Variants in MDFIC observed in about 807,000 individuals in gnomAD.
MDFIC encodes the protein MyoD family inhibitor domain containing, also known as myoD family inhibitor domain-containing protein.
In MDFIC, 17 loss-of-function variants were observed where a neutral mutation model predicts 23.2. The observed-to-expected ratio is 0.73, with a 90% CI of 0.50 to 1.10. The LOEUF is 1.10. Among genes scored for constraint, MDFIC ranks in the 50% least tolerant of loss-of-function variants. The pLI is 0.00. For missense variants in MDFIC, 356 were observed against 316.6 expected (o/e 1.12, Z -0.95); for synonymous variants, 120 against 115.2 (o/e 1.04, Z -0.27).
intron 3 of MDFIC, among the ~76,000 whole-genome samples, chr7:114,944,222 A>G (rs1585096902): frequency 6.6e-6 from 1 of 152,298 alleles, no homozygotes; most frequent in African/African-American, 2.4e-5. Flanking sequence ...TGAAGGAATG[A>G]AGAGATACAG....
At chr7:114,960,429 A>C (rs1255260359) in intron 3 of MDFIC, among the ~76,000 whole-genome samples, 1 of 152,156 alleles carries the variant, frequency 6.6e-6, no homozygotes, top group African/African-American at 2.4e-5. Context: ...ATTATCCAAG[A>C]GTAAGTGGGA....
At chr7:114,995,621 G>A (rs1791307991) in intron 4 of MDFIC, among the ~76,000 whole-genome samples, 1 of 152,212 alleles carries the variant, frequency 6.6e-6, no homozygotes. Flanking sequence ...TCCAGACCCT[G>A]TTTGCCTGGG....
intron 2 of MDFIC, chr7:114,923,644 G>T: frequency 7.0e-7 from 1 of 1,424,542 alleles, no homozygotes; most frequent in Admixed American, 2.9e-5. Context: ...AAATAAACAA[G>T]GTTTATAAGA....
At chr7:114,995,820 C>T (rs945092140) in intron 4 of MDFIC, among the ~76,000 whole-genome samples, 2 of 152,142 alleles carry the variant, frequency 1.3e-5, no homozygotes, top group African/African-American at 2.4e-5. Flanking sequence ...GCAGTCTGTC[C>T]GTTCTCAGAT....
intron 3 of MDFIC, among the ~76,000 whole-genome samples, chr7:114,952,154 A>G (rs1438490092): frequency 6.6e-6 from 1 of 152,174 alleles, no homozygotes; most frequent in African/African-American, 2.4e-5. Flanking sequence ...GGAAAGAAGG[A>G]GTTTTTCTGG....
At chr7:114,942,927 T>C (rs1228982888) in intron 3 of MDFIC, among the ~76,000 whole-genome samples, 2 of 152,234 alleles carry the variant, frequency 1.3e-5, no homozygotes, top group Non-Finnish European at 2.9e-5. Context: ...GTCTTTTGGG[T>C]GCTGATCAGA....
At chr7:114,986,025 C>T (rs1047387414) in intron 4 of MDFIC, among the ~76,000 whole-genome samples, 23 of 131,028 alleles carry the variant, frequency 1.8e-4, no homozygotes, top group Non-Finnish European at 2.9e-4. Flanking sequence ...CCGTGATTAC[C>T]TTTGCAGTTT....
At chr7:114,973,809 C>T (rs1793255208) in intron 3 of MDFIC, among the ~76,000 whole-genome samples, 1 of 152,134 alleles carries the variant, frequency 6.6e-6, no homozygotes, top group African/African-American at 2.4e-5. Context: ...CAATTGCCTC[C>T]TTTGCGAGTT....
At chr7:114,987,299 T>A (rs931557934) in intron 4 of MDFIC, among the ~76,000 whole-genome samples, 2 of 152,270 alleles carry the variant, frequency 1.3e-5, no homozygotes, top group Admixed American at 1.3e-4. Flanking sequence ...AATCTTACAT[T>A]AATTTTTTCC....
At chr7:114,927,096 C>G (rs1792207216) in intron 2 of MDFIC, among the ~76,000 whole-genome samples, 1 of 152,112 alleles carries the variant, frequency 6.6e-6, no homozygotes, top group Admixed American at 6.6e-5. Context: ...ACAACCTTTA[C>G]AAGAAAGAAT....
At chr7:115,011,841 C>A (rs1791688477) in intron 4 of MDFIC, among the ~76,000 whole-genome samples, 1 of 152,216 alleles carries the variant, frequency 6.6e-6, no homozygotes, top group Non-Finnish European at 1.5e-5. Context: ...CAGTCACATC[C>A]AATCTCTCTC....
At chr7:114,968,250 A>G (rs1026009446) in intron 3 of MDFIC, among the ~76,000 whole-genome samples, 1 of 152,232 alleles carries the variant, frequency 6.6e-6, no homozygotes. Context: ...GACAAAATCT[A>G]AAATTAATAC....
chr7:114,963,098 C>A (rs1793026681), intron 3 of MDFIC, among the ~76,000 whole-genome samples: 1 of 151,968 alleles, frequency 6.6e-6, no homozygotes, highest in Non-Finnish European at 1.5e-5. Flanking sequence ...ATTGGGAGTG[C>A]CTCAGTTTGC....
intron 3 of MDFIC, among the ~76,000 whole-genome samples, chr7:114,979,152 AAAG>A (rs1426051745): frequency 1.3e-5 from 2 of 152,182 alleles, no homozygotes; most frequent in Admixed American, 1.3e-4. Flanking sequence ...GTCTATGCAC[AAAG>A]AGGGCTCAGC....
At chr7:115,014,365 C>T (rs547660986) in intron 4 of MDFIC, 2 of 1,278,512 alleles carry the variant, frequency 1.6e-6, no homozygotes, top group South Asian at 2.5e-5. Context: ...CATCTACTTG[C>T]AGTTATATGG....
intron 4 of MDFIC, chr7:115,014,401 T>C: frequency 7.8e-7 from 1 of 1,289,214 alleles, no homozygotes; most frequent in Non-Finnish European, 1.0e-6. Context: ...CGCATGATTT[T>C]TTATTATAGC....
intron 4 of MDFIC, among the ~76,000 whole-genome samples, chr7:114,992,003 G>T (rs1791176941): frequency 6.6e-6 from 1 of 152,192 alleles, no homozygotes; most frequent in Non-Finnish European, 1.5e-5. Flanking sequence ...TCTTCCATTT[G>T]TTTGTGTCCT....
chr7:115,015,763 C>G lies in MDFIC; in HGVS notation c.569C>G (p.Ala190Gly), dbSNP rs148675178. Residue 190 changes from alanine to glycine, a missense_variant, in exon 5 of 5, where the codon GCG becomes GGG. By Grantham distance (60) the Ala-to-Gly change is moderately conservative. Transcript: ENST00000393486. The stretch of plus-strand genomic sequence containing the variant: ...CTTTGCAACATTGTCCTGGGACAAG[C>G]GTCATGTGGCATCTGCACCTCAGAA... ...LTLCNIVLGQ[A>G]SCGICTSEAC... 10 of 1,614,034 alleles carry G rather than the reference C, an allele frequency of 6.2e-6. No individual in the cohort carries two copies. In the African/African-American group the frequency reaches 1.3e-4, roughly 22 times the overall value.
At chr7:114,943,703 A>G (rs1307898466) in intron 3 of MDFIC, among the ~76,000 whole-genome samples, 1 of 152,226 alleles carries the variant, frequency 6.6e-6, no homozygotes, top group East Asian at 1.9e-4. Context: ...ATTTTGTGGA[A>G]TAACTGGCCT....
Sources: gnomAD v4.1 joint callset for allele counts (sites outside exome capture counted in the v4.1 genomes callset) on GRCh38, gnomAD v4.1.1 for gene constraint, MANE v1.5 for transcripts, NCBI Gene and HGNC (gene_info 2026-07-23, HGNC 2026-07-21) for gene names.